The following KCNH7 variants were observed in gnomAD, a reference collection of about 807,000 sequenced individuals.
The protein encoded by KCNH7 is voltage-gated inwardly rectifying potassium channel KCNH7.
In KCNH7, 49 loss-of-function variants were observed where a neutral mutation model predicts 120.8. That is an observed-to-expected ratio of 0.41 (90% CI 0.32 to 0.51). The LOEUF is 0.51. Ranked by LOEUF, KCNH7 falls within the 20% of genes least tolerant of loss-of-function variation. KCNH7 has a pLI of 0.38. For missense variants in KCNH7, 1,097 were observed against 1,446.6 expected (o/e 0.76, Z 3.92); for synonymous variants, 547 against 516.1 (o/e 1.06, Z -0.81).
intron 2 of KCNH7, among the ~76,000 whole-genome samples, chr2:162,710,258 T>C (rs1686879316): frequency 6.6e-6 from 1 of 152,170 alleles, no homozygotes; most frequent in South Asian, 2.1e-4. Context: ...AAAATGAATG[T>C]GGGGAATGCC....
At chr2:162,746,966 AT>A (rs1161615936) in intron 2 of KCNH7, among the ~76,000 whole-genome samples, 2 of 152,136 alleles carry the variant, frequency 1.3e-5, no homozygotes. Context: ...AAAAATCTAG[AT>A]TTTTATGTCC....
intron 7 of KCNH7, among the ~76,000 whole-genome samples, chr2:162,443,877 G>A (rs1362856462): frequency 6.6e-6 from 1 of 152,170 alleles, no homozygotes; most frequent in Admixed American, 6.6e-5. Context: ...GGTTCAGCCT[G>A]GCAGCCACCA....
intron 6 of KCNH7, among the ~76,000 whole-genome samples, chr2:162,482,221 A>C (rs1689953202): frequency 6.6e-6 from 1 of 152,236 alleles, no homozygotes; most frequent in African/African-American, 2.4e-5. Context: ...AGGCTTTGAT[A>C]TATAGAGAAG....
intron 2 of KCNH7, among the ~76,000 whole-genome samples, chr2:162,693,076 T>C (rs1444341877): frequency 1.3e-5 from 2 of 150,162 alleles, no homozygotes; most frequent in African/African-American, 5.1e-5. Flanking sequence ...AGTCCACATA[T>C]ATATACTGAA....
intron 6 of KCNH7, among the ~76,000 whole-genome samples, chr2:162,469,627 T>A (rs1342961322): frequency 1.3e-5 from 2 of 152,174 alleles, no homozygotes; most frequent in African/African-American, 4.8e-5. Context: ...GAGCCTTTTT[T>A]ATGCATAAGG....
intron 2 of KCNH7, among the ~76,000 whole-genome samples, chr2:162,704,662 G>T (rs1166046661): frequency 6.6e-6 from 1 of 152,204 alleles, no homozygotes; most frequent in Admixed American, 6.6e-5. Context: ...TGGGCAATGG[G>T]AAAGCCAATT....
intron 2 of KCNH7, among the ~76,000 whole-genome samples, chr2:162,689,619 G>T (rs892649579): frequency 2.6e-5 from 4 of 151,730 alleles, no homozygotes; most frequent in Non-Finnish European, 5.9e-5. Context: ...ATGTATTTAG[G>T]CCTCACATTT....
chr2:162,464,370 C>T (rs1468232282), intron 6 of KCNH7, among the ~76,000 whole-genome samples: 1 of 151,858 alleles, frequency 6.6e-6, no homozygotes, highest in Non-Finnish European at 1.5e-5. Context: ...ACTACAAGGA[C>T]TTTTTATGTC....
intron 2 of KCNH7, among the ~76,000 whole-genome samples, chr2:162,824,326 G>C (rs76491403): frequency 1.3e-5 from 2 of 152,140 alleles, no homozygotes; most frequent in Admixed American, 1.3e-4. Context: ...AAAGAAACAA[G>C]TTCTGCAATT....
In KCNH7 at chr2:162,384,947, A is replaced by T; in HGVS notation, c.2711-8T>A. On this transcript the variant is annotated splice_polypyrimidine_tract_variant and splice_region_variant and intron_variant, in intron 12 of 15. Coordinates refer to ENST00000332142, the MANE Select transcript of KCNH7 (RefSeq NM_033272.4). ...GATCATTTGTACTGTTTTCTTTGCC[A>T]AAATATATCAAAGAAAAGTTATTTT... 1 of 1,589,682 alleles carries T rather than the reference A, an allele frequency of 6.3e-7. No individual in the cohort carries two copies. Among genetic ancestry groups the T allele is most frequent in the Non-Finnish European group, 8.6e-7 (1 of 1,167,758 alleles).
At chr2:162,430,858 A>G (rs531939470) in intron 8 of KCNH7, among the ~76,000 whole-genome samples, 1 of 151,982 alleles carries the variant, frequency 6.6e-6, no homozygotes, top group Admixed American at 6.6e-5. Context: ...GTGTTTTTAA[A>G]AATTAAATAT....
At chr2:162,831,781 C>T (rs1031909128) in intron 2 of KCNH7, among the ~76,000 whole-genome samples, 3 of 152,184 alleles carry the variant, frequency 2.0e-5, no homozygotes, top group Non-Finnish European at 4.4e-5. Context: ...TTCTCAAGCA[C>T]CTTGGGTGTG....
intron 4 of KCNH7, among the ~76,000 whole-genome samples, chr2:162,513,379 TTCCTTCTCTCCTTCCC>T: frequency 1.4e-5 from 2 of 141,194 alleles, no homozygotes; most frequent in African/African-American, 2.6e-5. Context: ...CCTTCCTTCC[TTCCTTCTCTCCTTCCC>T]TCCTTCCTTC....
At chr2:162,550,091 T>A (rs1301243464) in intron 2 of KCNH7, among the ~76,000 whole-genome samples, 2 of 152,158 alleles carry the variant, frequency 1.3e-5, no homozygotes, top group African/African-American at 4.8e-5. Flanking sequence ...TCAAACTAAT[T>A]TCAGAGGCCA....
At chr2:162,534,984 A>G (rs1692059613) in intron 3 of KCNH7, among the ~76,000 whole-genome samples, 1 of 151,796 alleles carries the variant, frequency 6.6e-6, no homozygotes, top group African/African-American at 2.4e-5. Context: ...TATTTTTAAA[A>G]AAGGAAAAGA....
At chr2:162,817,301 T>C (rs946088630) in intron 2 of KCNH7, among the ~76,000 whole-genome samples, 4 of 152,302 alleles carry the variant, frequency 2.6e-5, no homozygotes, top group East Asian at 1.9e-4. Context: ...TTGAGCTTTA[T>C]GTAATTAGAG....
intron 3 of KCNH7, among the ~76,000 whole-genome samples, chr2:162,532,497 G>A (rs1691958961): frequency 6.6e-6 from 1 of 151,944 alleles, no homozygotes; most frequent in Non-Finnish European, 1.5e-5. Context: ...TGTAAGAAAA[G>A]AATGAAACAA....
At chr2:162,389,987 AG>A (rs1477975230) in intron 12 of KCNH7, among the ~76,000 whole-genome samples, 1 of 151,998 alleles carries the variant, frequency 6.6e-6, no homozygotes, top group Non-Finnish European at 1.5e-5. Flanking sequence ...GAAAAAACTC[AG>A]GGCACTTAGC....
chr2:162,449,443 T>C (rs1281054143), intron 6 of KCNH7, among the ~76,000 whole-genome samples: 1 of 152,094 alleles, frequency 6.6e-6, no homozygotes, highest in East Asian at 1.9e-4. Context: ...GTTGAAGTCA[T>C]AATTCCCAGT....
Sources: gnomAD v4.1 joint callset for allele counts (sites outside exome capture counted in the v4.1 genomes callset) on GRCh38, gnomAD v4.1.1 for gene constraint, MANE v1.5 for transcripts, NCBI Gene and HGNC (gene_info 2026-07-23, HGNC 2026-07-21) for gene names.